The following COL25A1 variants were observed in gnomAD, a reference collection of about 807,000 sequenced individuals.
COL25A1 encodes collagen type XXV alpha 1 chain, also known as collagen alpha-1(XXV) chain.
A neutral mutation model predicts 128.4 loss-of-function variants in COL25A1; 103 were observed. That is an observed-to-expected ratio of 0.80 (90% CI 0.68 to 0.94). The LOEUF is 0.94. COL25A1 is among the 40% of genes least tolerant of loss of function. The pLI, the probability that COL25A1 is intolerant of heterozygous loss-of-function variation, is 0.00. For missense variants in COL25A1, 745 were observed against 840.0 expected (o/e 0.89, Z 1.40); for synonymous variants, 279 against 277.2 (o/e 1.01, Z -0.06).
At chr4:109,173,620 G>T (rs1773797260) in intron 3 of COL25A1, among the ~76,000 whole-genome samples, 1 of 151,872 alleles carries the variant, frequency 6.6e-6, no homozygotes, top group African/African-American at 2.4e-5. Context: ...ATCTGAACTG[G>T]CAATAATACT....
In COL25A1 at chr4:108,844,533, G is replaced by T. The variant is rs759479589; in HGVS notation, c.1615C>A (p.Pro539Thr). The T allele has an allele frequency of 1.9e-6, 3 of 1,613,714 alleles. No individual in the cohort carries two copies. The highest frequency in any genetic ancestry group is 2.5e-6 in the Non-Finnish European group (3 of 1,179,734). The change falls in exon 30 of 38, where the codon CCA becomes ACA. Residue 539 changes from proline to threonine, a missense_variant. Around this residue, in one of 3 missense-constraint regions of COL25A1, gnomAD observed 387 missense variants for 441.9 expected, o/e 0.88. Transcript: ENST00000399132. ...GGGAAACTTACCATGGGGCCAGGTG[G>T]GCCATGGGGACCTGGTGGGCCTGGT... is the stretch of plus-strand genomic sequence containing the variant. ...GPPGPPGPHG[P>T]PGPMGPHGLP...
chr4:109,042,881 T>G (rs766774294), intron 5 of COL25A1, among the ~76,000 whole-genome samples: 11 of 152,066 alleles, frequency 7.2e-5, no homozygotes, highest in Non-Finnish European at 1.5e-4. Context: ...AGTCATAAGA[T>G]GTAAGATCTA....
intron 3 of COL25A1, among the ~76,000 whole-genome samples, chr4:109,077,164 G>A (rs867844996): frequency 6.6e-6 from 1 of 152,118 alleles, no homozygotes; most frequent in South Asian, 2.1e-4. Flanking sequence ...GACCACCATG[G>A]GCTAAATGAA....
At chr4:109,137,575 T>A (rs1045983890) in intron 3 of COL25A1, among the ~76,000 whole-genome samples, 1 of 152,118 alleles carries the variant, frequency 6.6e-6, no homozygotes, top group African/African-American at 2.4e-5. Context: ...GTCCTTCCCA[T>A]CCACCCCAAA....
chr4:108,851,000 G>A (rs751610107), intron 26 of COL25A1, among the ~76,000 whole-genome samples: 5 of 152,002 alleles, frequency 3.3e-5, no homozygotes, highest in Admixed American at 6.6e-5. Flanking sequence ...ATTTAGCTTT[G>A]GGGACAATTT....
intron 3 of COL25A1, among the ~76,000 whole-genome samples, chr4:109,215,249 T>C (rs1431657591): frequency 1.3e-5 from 2 of 152,200 alleles, no homozygotes; most frequent in African/African-American, 4.8e-5. Flanking sequence ...ATTTGTTTTC[T>C]TAAATGAAAG....
At chr4:108,835,925 G>T (rs1024175123) in intron 31 of COL25A1, among the ~76,000 whole-genome samples, 1 of 132,758 alleles carries the variant, frequency 7.5e-6, no homozygotes, top group African/African-American at 3.0e-5. Context: ...GGGCTGGAGT[G>T]CAGTGGCGCG....
chr4:109,242,220 C>T (rs1240432491), intron 3 of COL25A1, among the ~76,000 whole-genome samples: 2 of 152,106 alleles, frequency 1.3e-5, no homozygotes, highest in African/African-American at 4.8e-5. Flanking sequence ...TACATTTCCC[C>T]CGCTTCACAT....
chr4:108,968,833 C>T (rs1015715497), intron 8 of COL25A1, among the ~76,000 whole-genome samples: 1 of 152,164 alleles, frequency 6.6e-6, no homozygotes, highest in African/African-American at 2.4e-5. Flanking sequence ...CATCTTCTCA[C>T]TTATCCTCCC....
intron 3 of COL25A1, among the ~76,000 whole-genome samples, chr4:109,184,912 TA>T (rs1433211114): frequency 6.6e-6 from 1 of 152,190 alleles, no homozygotes; most frequent in African/African-American, 2.4e-5. Flanking sequence ...TAGTAGAGAT[TA>T]AATCTTTCTC....
chr4:108,898,338 T>A (rs780359464), intron 15 of COL25A1, among the ~76,000 whole-genome samples: 1 of 152,186 alleles, frequency 6.6e-6, no homozygotes, highest in East Asian at 1.9e-4. Flanking sequence ...GATCTTTACA[T>A]AAACTTCTTT....
intron 31 of COL25A1, among the ~76,000 whole-genome samples, chr4:108,833,368 G>T (rs1397498423): frequency 6.6e-6 from 1 of 152,090 alleles, no homozygotes; most frequent in East Asian, 1.9e-4. Flanking sequence ...TTGTCCCCCT[G>T]GTTAGTTCAG....
intron 3 of COL25A1, among the ~76,000 whole-genome samples, chr4:109,269,907 G>T (rs1451661555): frequency 1.3e-5 from 2 of 152,098 alleles, no homozygotes; most frequent in Non-Finnish European, 2.9e-5. Context: ...ATGCAAGGCT[G>T]GTTCAATACA....
At chr4:108,885,323 C>T (rs910039900) in intron 18 of COL25A1, among the ~76,000 whole-genome samples, 1 of 151,992 alleles carries the variant, frequency 6.6e-6, no homozygotes, top group Admixed American at 6.6e-5. Flanking sequence ...GGTGTTATCA[C>T]AAAGTGATGT....
intron 3 of COL25A1, among the ~76,000 whole-genome samples, chr4:109,129,491 A>C (rs1300177168): frequency 6.6e-6 from 1 of 152,184 alleles, no homozygotes; most frequent in African/African-American, 2.4e-5. Context: ...CATTGTGCTC[A>C]AATCTAACAT....
intron 20 of COL25A1, among the ~76,000 whole-genome samples, chr4:108,864,981 A>G (rs1024204603): frequency 6.6e-6 from 1 of 152,222 alleles, no homozygotes. Context: ...TCAAATGTAA[A>G]TCTTTTGCAC....
rs957197100 is a variant in COL25A1 at position 109,150,327 on chromosome 4, C to T, written c.368-100148G>A. ...TTTCTTAAGTTTCTAAGGTCGTTGG[C>T]AGTTCTCTCCTGTCTAGTTAATCAG... On this transcript the variant is annotated intron_variant, in intron 3 of 37. Transcript: ENST00000399132. 2.0e-5 allele frequency among the ~76,000 whole-genome samples: 3 copies of T among 152,216 alleles called. No homozygotes were observed. In the South Asian group the frequency reaches 6.2e-4, roughly 32 times the overall value.
intron 37 of COL25A1, among the ~76,000 whole-genome samples, chr4:108,815,484 G>A (rs1257965757): frequency 6.6e-6 from 1 of 152,142 alleles, no homozygotes; most frequent in African/African-American, 2.4e-5. Flanking sequence ...CTGGGGATGG[G>A]TGGGAGAGGT....
chr4:108,910,825 T>C (rs1257727818), intron 13 of COL25A1, among the ~76,000 whole-genome samples: 2 of 152,210 alleles, frequency 1.3e-5, no homozygotes, highest in African/African-American at 4.8e-5. Flanking sequence ...CAGCAGTTAA[T>C]AAACACTGGA....
Sources: gnomAD v4.1 joint callset for allele counts (sites outside exome capture counted in the v4.1 genomes callset) on GRCh38, gnomAD v4.1.1 for gene constraint, gnomAD v4.1.1 regional missense constraint, MANE v1.5 for transcripts, NCBI Gene and HGNC (gene_info 2026-07-23, HGNC 2026-07-21) for gene names.